NTNG1: variants seen among roughly 807,000 people sequenced by gnomAD.
The protein encoded by NTNG1 is netrin G1.
A neutral mutation model predicts 54.0 loss-of-function variants in NTNG1; 16 were observed. The observed-to-expected ratio is 0.30, with a 90% confidence interval of 0.20 to 0.45. The LOEUF is 0.45. Among genes scored for constraint, NTNG1 ranks in the 20% least tolerant of loss-of-function variants. The probability of loss-of-function intolerance (pLI) is 1.00; values close to 1 mark genes in which losing one functional copy is unlikely to be tolerated. For missense variants in NTNG1, 530 were observed against 678.7 expected (o/e 0.78, Z 2.43); for synonymous variants, 255 against 263.1 (o/e 0.97, Z 0.30).
chr1:107,250,044 C>T (rs1393237456), intron 2 of NTNG1, among the ~76,000 whole-genome samples: 1 of 152,094 alleles, frequency 6.6e-6, no homozygotes, highest in Non-Finnish European at 1.5e-5. Context: ...ATAAAAGGAT[C>T]AGAAACTTAT....
intron 2 of NTNG1, among the ~76,000 whole-genome samples, chr1:107,211,565 C>T (rs1016758508): frequency 2.0e-5 from 3 of 152,058 alleles, no homozygotes; most frequent in African/African-American, 4.8e-5. Flanking sequence ...CCCATTAGCA[C>T]ATTGCAGCAT....
intron 2 of NTNG1, among the ~76,000 whole-genome samples, chr1:107,216,438 A>T (rs1659962737): frequency 6.6e-6 from 1 of 152,096 alleles, no homozygotes; most frequent in African/African-American, 2.4e-5. Flanking sequence ...TGTTTATCTG[A>T]TATACCACAT....
intron 2 of NTNG1, among the ~76,000 whole-genome samples, chr1:107,184,253 T>C (rs1657281034): frequency 6.6e-6 from 1 of 152,090 alleles, no homozygotes; most frequent in Non-Finnish European, 1.5e-5. Context: ...TCCAATTGTC[T>C]TCTTCCCACA....
intron 2 of NTNG1, among the ~76,000 whole-genome samples, chr1:107,246,125 C>A (rs1398500630): frequency 1.3e-5 from 2 of 152,126 alleles, no homozygotes; most frequent in African/African-American, 4.8e-5. Context: ...GATCTCCGCT[C>A]ACTGCAAGCT....
chr1:107,459,619 T>A (rs1200407075), intron 7 of NTNG1, among the ~76,000 whole-genome samples: 4 of 152,224 alleles, frequency 2.6e-5, no homozygotes, highest in African/African-American at 9.6e-5. Flanking sequence ...GATTAATGAT[T>A]CTTTACAGGT....
chr1:107,249,108 G>A (rs1020085148), intron 2 of NTNG1, among the ~76,000 whole-genome samples: 7 of 149,598 alleles, frequency 4.7e-5, no homozygotes, highest in African/African-American at 1.2e-4. Context: ...GCAGTAAGCC[G>A]AGATCACACC....
At chr1:107,256,762 G>A (rs372027367) in intron 2 of NTNG1, among the ~76,000 whole-genome samples, 15 of 152,316 alleles carry the variant, frequency 9.8e-5, no homozygotes, top group African/African-American at 3.6e-4. Context: ...GGCTTTGGAA[G>A]CCATTCATTT....
At chr1:107,273,259 G>A (rs1664260761) in intron 2 of NTNG1, among the ~76,000 whole-genome samples, 1 of 152,162 alleles carries the variant, frequency 6.6e-6, no homozygotes, top group African/African-American at 2.4e-5. Flanking sequence ...TGATGCAGTG[G>A]AGAATGTATA....
chr1:107,480,575 C>A, intron 7 of NTNG1, 36 bp from the exon 8 acceptor site: 2 of 512,238 alleles, frequency 3.9e-6, no homozygotes, highest in Middle Eastern at 6.2e-4. Context: ...CTCCTCCCCG[C>A]GCCCACCCAC....
chr1:107,352,456 A>G (rs1343649294), intron 3 of NTNG1, among the ~76,000 whole-genome samples: 1 of 151,956 alleles, frequency 6.6e-6, no homozygotes, highest in East Asian at 1.9e-4. Flanking sequence ...CCCACTAGAC[A>G]ATGCTCAAAT....
At chr1:107,201,946 GT>G (rs1256231144) in intron 2 of NTNG1, among the ~76,000 whole-genome samples, 1 of 151,592 alleles carries the variant, frequency 6.6e-6, no homozygotes, top group Non-Finnish European at 1.5e-5. Flanking sequence ...TCTCTCCTCT[GT>G]TCTATAGTTT....
At chr1:107,267,848 G>GA (rs1286833343) in intron 2 of NTNG1, among the ~76,000 whole-genome samples, 3 of 151,964 alleles carry the variant, frequency 2.0e-5, no homozygotes, top group African/African-American at 7.2e-5. Context: ...TCACTAGAAT[G>GA]AAAAAACAAA....
chr1:107,149,503 A>T (rs1263231197), intron 2 of NTNG1, among the ~76,000 whole-genome samples: 2 of 152,230 alleles, frequency 1.3e-5, no homozygotes, highest in African/African-American at 2.4e-5. Context: ...TTTGCTGAAA[A>T]GCAAGGACTC....
chr1:107,369,098 A>G (rs964805751), intron 3 of NTNG1, among the ~76,000 whole-genome samples: 4 of 152,164 alleles, frequency 2.6e-5, no homozygotes, highest in African/African-American at 7.2e-5. Flanking sequence ...CATTCATGTC[A>G]TATTTCATTC....
At chr1:107,405,819 T>C (rs1673379543) in intron 4 of NTNG1, among the ~76,000 whole-genome samples, 1 of 152,082 alleles carries the variant, frequency 6.6e-6, no homozygotes, top group Non-Finnish European at 1.5e-5. Context: ...CTGCAATTGA[T>C]ACTAAAATTA....
chr1:107,475,106 C>G (rs1463370283), intron 7 of NTNG1, among the ~76,000 whole-genome samples: 1 of 152,186 alleles, frequency 6.6e-6, no homozygotes, highest in African/African-American at 2.4e-5. Flanking sequence ...CAACAAAGAC[C>G]TCTGCCTAGT....
chr1:107,218,342 C>T (rs1169820708), intron 2 of NTNG1, among the ~76,000 whole-genome samples: 1 of 152,050 alleles, frequency 6.6e-6, no homozygotes, highest in African/African-American at 2.4e-5. Flanking sequence ...TTACATGAGT[C>T]TTTATGTGTC....
intron 5 of NTNG1, among the ~76,000 whole-genome samples, chr1:107,430,413 G>T (rs1675186677): frequency 6.6e-6 from 1 of 151,980 alleles, no homozygotes; most frequent in Non-Finnish European, 1.5e-5. Flanking sequence ...TTCTCCATCT[G>T]CAAAAAATAA....
chr1:107,298,935 A>T (rs766824828), intron 2 of NTNG1, among the ~76,000 whole-genome samples: 12 of 152,114 alleles, frequency 7.9e-5, no homozygotes, highest in Non-Finnish European at 1.5e-4. Context: ...TGGGAGAAAA[A>T]CCCTGCAGAT....
Sources: allele counts gnomAD v4.1 joint callset (sites outside exome capture counted in the v4.1 genomes callset), GRCh38; gene constraint gnomAD v4.1.1; transcripts MANE v1.5; gene names NCBI Gene and HGNC (gene_info 2026-07-23, HGNC 2026-07-21).